The following OXR1 variants were observed in gnomAD, a reference collection of about 807,000 sequenced individuals.
OXR1 encodes oxidation resistance protein 1.
In OXR1, 41 loss-of-function variants were observed where a neutral mutation model predicts 104.6. The ratio of observed to expected loss-of-function variants is 0.39; its 90% CI spans 0.31 to 0.51. The LOEUF is 0.51. Ranked by LOEUF, OXR1 falls within the 20% of genes least tolerant of loss-of-function variation. OXR1 has a pLI of 0.77. For missense variants in OXR1, 955 were observed against 1,031.9 expected (o/e 0.93, Z 1.02); for synonymous variants, 348 against 348.4 (o/e 1.00, Z 0.01).
At chr8:106,452,907 G>A (rs769006761) in intron 2 of OXR1, among the ~76,000 whole-genome samples, 4 of 139,188 alleles carry the variant, frequency 2.9e-5, no homozygotes, top group Non-Finnish European at 6.6e-5. Flanking sequence ...TTTAATAGAT[G>A]TAAGGCCTTT....
chr8:106,483,407 A>G (rs1447359376), intron 2 of OXR1, among the ~76,000 whole-genome samples: 1 of 151,640 alleles, frequency 6.6e-6, no homozygotes, highest in East Asian at 2.0e-4. Context: ...CATTAAAACC[A>G]TCCACTTAAC....
chr8:106,336,065 C>T (rs2130245401), intron 1 of OXR1, among the ~76,000 whole-genome samples: 1 of 152,304 alleles, frequency 6.6e-6, no homozygotes, highest in Middle Eastern at 3.4e-3. Flanking sequence ...CACTGCACTC[C>T]AGTCTGAGCG....
intron 3 of OXR1, among the ~76,000 whole-genome samples, chr8:106,529,688 C>T (rs1813948001): frequency 6.6e-6 from 1 of 152,144 alleles, no homozygotes; most frequent in Non-Finnish European, 1.5e-5. Flanking sequence ...AATCAAGAAA[C>T]ACAGCTTAAT....
intron 3 of OXR1, among the ~76,000 whole-genome samples, chr8:106,525,265 A>G (rs547413127): frequency 1.4e-4 from 22 of 152,284 alleles, no homozygotes; most frequent in African/African-American, 4.8e-4. Context: ...CACTATCCAA[A>G]GCTCAGTGAC....
intron 2 of OXR1, among the ~76,000 whole-genome samples, chr8:106,412,160 A>C (rs578234407): frequency 1.4e-4 from 22 of 152,274 alleles, no homozygotes; most frequent in Non-Finnish European, 2.6e-4. Flanking sequence ...CCTGTGAGAT[A>C]CTAGTGTTTC....
At chr8:106,357,394 T>C (rs550774861) in intron 1 of OXR1, among the ~76,000 whole-genome samples, 1 of 152,154 alleles carries the variant, frequency 6.6e-6, no homozygotes. Context: ...CAGCCTCTTT[T>C]GGAATGTAAA....
chr8:106,280,122 C>T (rs968748549), intron 1 of OXR1, among the ~76,000 whole-genome samples: 1 of 152,126 alleles, frequency 6.6e-6, no homozygotes, highest in East Asian at 1.9e-4. Flanking sequence ...GCTGGGCAGG[C>T]ACATTAGACT....
At chr8:106,322,189 G>T (rs993608904) in intron 1 of OXR1, among the ~76,000 whole-genome samples, 2 of 152,066 alleles carry the variant, frequency 1.3e-5, no homozygotes. Flanking sequence ...ACATCAAAAA[G>T]TTAATCCAGT....
At chr8:106,322,494 A>G (rs1586521264) in intron 1 of OXR1, among the ~76,000 whole-genome samples, 1 of 151,958 alleles carries the variant, frequency 6.6e-6, no homozygotes, top group South Asian at 2.1e-4. Flanking sequence ...GCACAAGACA[A>G]CTGCCACTTC....
At chr8:106,631,555 T>G (rs1430180546) in intron 3 of OXR1, among the ~76,000 whole-genome samples, 1 of 152,224 alleles carries the variant, frequency 6.6e-6, no homozygotes, top group Non-Finnish European at 1.5e-5. Flanking sequence ...GTCTTAATTT[T>G]TAAGTTGTTG....
intron 3 of OXR1, among the ~76,000 whole-genome samples, chr8:106,561,206 A>G (rs996611944): frequency 1.3e-5 from 2 of 152,126 alleles, no homozygotes; most frequent in Admixed American, 1.3e-4. Context: ...GCCAGAGCCC[A>G]GAAAGCTAAG....
At chr8:106,586,106 A>G (rs913839056) in intron 3 of OXR1, among the ~76,000 whole-genome samples, 12 of 152,210 alleles carry the variant, frequency 7.9e-5, no homozygotes, top group Non-Finnish European at 1.0e-4. Context: ...TGTTCTAACT[A>G]GAACGTGGAA....
At chr8:106,396,922 AAATG>A (rs1817804674) in intron 2 of OXR1, among the ~76,000 whole-genome samples, 1 of 152,178 alleles carries the variant, frequency 6.6e-6, no homozygotes, top group African/African-American at 2.4e-5. Context: ...ATTTAAAAAC[AAATG>A]AATGCTGTGT....
At chr8:106,526,750 A>G (rs1213303502) in intron 3 of OXR1, among the ~76,000 whole-genome samples, 2 of 152,140 alleles carry the variant, frequency 1.3e-5, no homozygotes, top group South Asian at 2.1e-4. Context: ...TCACTGTGTT[A>G]GCCAGGATGG....
At position 106,657,883 on chromosome 8, in the gene OXR1, C is replaced by A. The variant is rs564315327; in HGVS notation, c.221-21327C>A. On this transcript the variant is annotated intron_variant, in intron 3 of 16. Transcript: ENST00000517566. ...CTTGTGAGGCGCGCGGAGCCGCCTCCCCTGGGTCAGGTCTGATGGGCCGGT... is the reference window on the plus strand; with the variant it reads ...CTTGTGAGGCGCGCGGAGCCGCCTCACCTGGGTCAGGTCTGATGGGCCGGT... The A allele has an allele frequency of 2.3e-5, 29 of 1,243,482 alleles. No homozygotes were observed. In the African/African-American group the frequency reaches 3.9e-4, roughly 17 times the overall value. The allele number at this position is 1,243,482 out of a possible 1,614,324, so 77.0% of individuals were successfully genotyped here.
intron 1 of OXR1, among the ~76,000 whole-genome samples, chr8:106,301,656 AT>A (rs1223456083): frequency 2.0e-5 from 3 of 152,212 alleles, no homozygotes; most frequent in Non-Finnish European, 4.4e-5. Flanking sequence ...TGATAAATAT[AT>A]AGTACCTGTC....
At chr8:106,362,667 G>T (rs1816295494) in intron 2 of OXR1, among the ~76,000 whole-genome samples, 1 of 152,184 alleles carries the variant, frequency 6.6e-6, no homozygotes. Flanking sequence ...ATAATGATCA[G>T]AGAGAGACAA....
chr8:106,287,400 A>G (rs1036943608), intron 1 of OXR1, among the ~76,000 whole-genome samples: 2 of 152,192 alleles, frequency 1.3e-5, no homozygotes, highest in Non-Finnish European at 2.9e-5. Flanking sequence ...TTACTAAGCT[A>G]TAAGAAGAGA....
chr8:106,436,042 A>T (rs527568271), intron 2 of OXR1, among the ~76,000 whole-genome samples: 1 of 152,214 alleles, frequency 6.6e-6, no homozygotes, highest in East Asian at 1.9e-4. Flanking sequence ...TTTCCTTTCC[A>T]AGGAGAAATT....
Sources: gnomAD v4.1 joint callset for allele counts (sites outside exome capture counted in the v4.1 genomes callset) on GRCh38, gnomAD v4.1.1 for gene constraint, MANE v1.5 for transcripts, NCBI Gene and HGNC (gene_info 2026-07-23, HGNC 2026-07-21) for gene names.